Variants in MOCOS observed in about 807,000 individuals in gnomAD.
MOCOS encodes the protein human molybdenum cofactor sulfurase.
Under a neutral mutation model 83.6 loss-of-function variants are expected in MOCOS, and 86 were observed. The ratio of observed to expected loss-of-function variants is 1.03; its 90% CI spans 0.86 to 1.23. MOCOS has a LOEUF of 1.23. MOCOS is among the 50% of genes most tolerant of loss of function. The pLI is 0.00. For synonymous variants in MOCOS, 445 were observed against 434.7 expected (o/e 1.02, Z -0.29); for missense variants, 1,120 against 1,126.9 (o/e 0.99, Z 0.09).
chr18:36,208,422 A>G lies in MOCOS; in HGVS notation c.1218+3146A>G, dbSNP rs888649916. ...CATCTTAACAATACTGATTGTTCCT[A>G]TCCATGAGTATGGAATGTTTTTCCA... On this transcript the variant is annotated intron_variant, in intron 6 of 14. Transcript: ENST00000261326. 4.6e-5 allele frequency among the ~76,000 whole-genome samples: 7 copies of G among 152,132 alleles called. No individual in the cohort carries two copies. In the East Asian group the frequency reaches 9.6e-4, roughly 21 times the overall value.
intron 9 of MOCOS, among the ~76,000 whole-genome samples, chr18:36,247,047 G>C (rs1019025370): frequency 6.6e-6 from 1 of 152,146 alleles, no homozygotes; most frequent in Non-Finnish European, 1.5e-5. Context: ...CTCTGGGGGT[G>C]GGGGGCTGGT....
chr18:36,252,410 G>A (rs533470419), intron 11 of MOCOS, among the ~76,000 whole-genome samples: 56 of 152,184 alleles, frequency 3.7e-4, no homozygotes, highest in African/African-American at 1.3e-3. Context: ...ATACAAAAAT[G>A]AGCCAAGTAT....
chr18:36,201,662 C>CAAAAAAAAAAAAAAA (rs1568050276), intron 4 of MOCOS, among the ~76,000 whole-genome samples: 1 of 2,524 alleles, frequency 4.0e-4, no homozygotes, highest in African/African-American at 6.4e-4. Context: ...GACTCCATCT[C>CAAAAAAAAAAAAAAA]CAAAAAAAAA....
chr18:36,224,144 A>G (rs181409882), intron 9 of MOCOS, among the ~76,000 whole-genome samples: 1 of 152,298 alleles, frequency 6.6e-6, no homozygotes, highest in African/African-American at 2.4e-5. Flanking sequence ...TGTATCCTGC[A>G]ACTTTACTGA....
At chr18:36,251,639 G>A (rs2091622350) in intron 11 of MOCOS, among the ~76,000 whole-genome samples, 2 of 152,302 alleles carry the variant, frequency 1.3e-5, no homozygotes, top group South Asian at 2.1e-4. Flanking sequence ...TGGCTTGCTA[G>A]TTTTTAGCTC....
At chr18:36,203,276 A>G in intron 5 of MOCOS, 87 bp downstream of exon 5, 2 of 1,302,548 alleles carry the variant, frequency 1.5e-6, no homozygotes, top group South Asian at 1.2e-5. Context: ...GGTAAAGGAG[A>G]CAGAGTCTGT....
Position 36,269,040 on chromosome 18 carries a change from T to C in MOCOS, c.*355T>C, listed in dbSNP as rs2091691123. On this transcript the variant is annotated 3_prime_UTR_variant, in exon 15 of 15. Coordinates refer to ENST00000261326, the MANE Select transcript of MOCOS (RefSeq NM_017947.4). ...CTATTTTGCCATTTTCTCACATTGT[T>C]ACTTTGTTTTTAGAGAGCATCTTTG... 2 of 296,162 alleles carry C rather than the reference T, an allele frequency of 6.8e-6. No homozygotes were observed. Among genetic ancestry groups the C allele is most frequent in the Non-Finnish European group, 1.3e-5 (2 of 155,040 alleles). 18.3% of individuals were successfully genotyped at this position (296,162 alleles called of 1,614,324 possible).
At chr18:36,196,009 C>A (rs951708219) in intron 2 of MOCOS, among the ~76,000 whole-genome samples, 1 of 147,190 alleles carries the variant, frequency 6.8e-6, no homozygotes, top group African/African-American at 2.4e-5. Context: ...TGCGAGCAGG[C>A]AGGGTAACAG....
intron 13 of MOCOS, among the ~76,000 whole-genome samples, chr18:36,265,726 C>T (rs538036942): frequency 5.6e-4 from 72 of 127,474 alleles, no homozygotes; most frequent in Admixed American, 3.6e-4. Context: ...GGCATGTAGG[C>T]GTGGGTACGT....
At chr18:36,192,176 C>T (rs978826970) in intron 1 of MOCOS, among the ~76,000 whole-genome samples, 1 of 152,196 alleles carries the variant, frequency 6.6e-6, no homozygotes, top group African/African-American at 2.4e-5. Context: ...ACTATCTCTA[C>T]TTGCCAATAA....
chr18:36,231,532 A>T (rs985102496), intron 9 of MOCOS, among the ~76,000 whole-genome samples: 1 of 152,186 alleles, frequency 6.6e-6, no homozygotes, highest in Admixed American at 6.5e-5. Flanking sequence ...CTACTGTGAC[A>T]TAGTAAGTTT....
intron 8 of MOCOS, among the ~76,000 whole-genome samples, chr18:36,218,088 A>G (rs545784308): frequency 4.4e-4 from 67 of 152,194 alleles, no homozygotes; most frequent in Non-Finnish European, 7.4e-4. Flanking sequence ...AGGTGAACCC[A>G]GAGATATGGT....
intron 9 of MOCOS, among the ~76,000 whole-genome samples, chr18:36,241,133 C>A (rs866478365): frequency 2.6e-5 from 4 of 152,112 alleles, no homozygotes; most frequent in African/African-American, 9.7e-5. Flanking sequence ...CGGAGCTGTT[C>A]CTATTCGGCC....
At chr18:36,239,086 C>T (rs1598586665) in intron 9 of MOCOS, among the ~76,000 whole-genome samples, 1 of 149,638 alleles carries the variant, frequency 6.7e-6, no homozygotes, top group East Asian at 2.0e-4. Context: ...GACTCTTTAT[C>T]CAATTTGCCA....
chr18:36,195,538 C>T (rs145544274), intron 2 of MOCOS, among the ~76,000 whole-genome samples, 192 bp downstream of exon 2: 1 of 152,160 alleles, frequency 6.6e-6, no homozygotes, highest in Admixed American at 6.6e-5. Flanking sequence ...ATGGAGGGAG[C>T]TGGCTCAGGG....
chr18:36,195,406 A>C, intron 2 of MOCOS, 60 bp downstream of exon 2: 1 of 1,401,332 alleles, frequency 7.1e-7, no homozygotes, highest in Non-Finnish European at 1.0e-6. Context: ...ATACCTGTGC[A>C]TGTTAAACGC....
chr18:36,259,448 C>CAAAAAAA (rs397858504), intron 12 of MOCOS, among the ~76,000 whole-genome samples: 21 of 92,386 alleles, frequency 2.3e-4, no homozygotes, highest in East Asian at 1.0e-3. Flanking sequence ...GACCTTGTCT[C>CAAAAAAA]AAAAAAAAAA....
At chr18:36,212,643 C>T (rs184459176) in intron 6 of MOCOS, among the ~76,000 whole-genome samples, 4 of 152,272 alleles carry the variant, frequency 2.6e-5, no homozygotes, top group Admixed American at 1.3e-4. Context: ...TGAAGACTGC[C>T]GTGGTCTTGA....
rs761900858 is a variant in MOCOS, at chr18:36,213,362, G to T, written c.1219-4G>T. The T allele has an allele frequency of 1.9e-6, 3 of 1,612,558 alleles. No homozygotes were observed. Among genetic ancestry groups the T allele is most frequent in the Non-Finnish European group, 2.5e-6 (3 of 1,178,644 alleles). On this transcript the variant is annotated splice_region_variant and splice_polypyrimidine_tract_variant and intron_variant, in intron 6 of 14. Transcript: ENST00000261326. ...GCTCATTCCATGTTACATTAAATCC[G>T]CAGGTGGACAAAATGGCCAGTCTTT... is the stretch of plus-strand genomic sequence containing the variant.
Sources: allele counts gnomAD v4.1 joint callset (sites outside exome capture counted in the v4.1 genomes callset), GRCh38; gene constraint gnomAD v4.1.1; transcripts MANE v1.5; gene names NCBI Gene and HGNC (gene_info 2026-07-23, HGNC 2026-07-21).